CACNA1B: variants seen among roughly 807,000 people sequenced by gnomAD.
The protein encoded by CACNA1B is voltage-dependent N-type calcium channel subunit alpha-1B.
CACNA1B carries 70 observed loss-of-function variants against 247.2 expected under a neutral mutation model. The ratio of observed to expected loss-of-function variants is 0.28; its 90% CI spans 0.23 to 0.35. The LOEUF (loss-of-function observed/expected upper bound fraction) is 0.35. Among genes scored for constraint, CACNA1B ranks in the 10% least tolerant of loss-of-function variants. The pLI is 1.00. For missense variants in CACNA1B, 2,367 were observed against 3,197.4 expected, an observed-to-expected ratio of 0.74 and a Z score of 6.26; for synonymous variants, 1,231 against 1,294.4, an observed-to-expected ratio of 0.95 and a Z score of 1.05.
rs535113091 is a variant in CACNA1B, at chr9:137,899,171, T to C, written c.531-14009T>C. 6.6e-6 allele frequency among the ~76,000 whole-genome samples: 1 copy of C among 151,980 alleles called. No individual in the cohort carries two copies. The highest frequency in any genetic ancestry group is 1.9e-4 in the East Asian group (1 of 5,162). On this transcript the variant is annotated intron_variant, in intron 3 of 46. Transcript: ENST00000371372. The surrounding 1 kb of genome is among the most constrained non-coding windows in gnomAD (Gnocchi z 5.0). Reference sequence around the variant, plus strand: ...GCTGCAATCTCAGCTCACTGCAACCTCCGCCTCCTAGGTTCAAGCAATTGT... The same window carrying C: ...GCTGCAATCTCAGCTCACTGCAACCCCCGCCTCCTAGGTTCAAGCAATTGT...
chr9:138,096,424 G>T, intron 36 of CACNA1B, 60 bp from the exon 37 acceptor site: 4 of 1,497,132 alleles, frequency 2.7e-6, no homozygotes, highest in Non-Finnish European at 2.8e-6. Flanking sequence ...GTGGTGGGGG[G>T]CGGCGGGGAG....
Position 138,020,155 on chromosome 9 carries a change from C to T in CACNA1B, c.2268-2856C>T, listed in dbSNP as rs1326266413. On this transcript the variant is annotated intron_variant, in intron 18 of 46. Transcript: ENST00000371372. The surrounding 1 kb of genome is among the most constrained non-coding windows in gnomAD (Gnocchi z 4.1). Reference sequence around the variant, plus strand: ...AGGTATCCATGGTGTCACACCAGGGCTGCTTCATATTGTCAGCAGTTCCGG... The same window carrying T: ...AGGTATCCATGGTGTCACACCAGGGTTGCTTCATATTGTCAGCAGTTCCGG... Among the ~76,000 whole-genome samples, 1 of 151,112 alleles carries T rather than the reference C, an allele frequency of 6.6e-6. No homozygotes were observed. Among genetic ancestry groups the T allele is most frequent in the Non-Finnish European group, 1.5e-5 (1 of 67,902 alleles).
chr9:138,110,301 G>A (rs866051096), intron 39 of CACNA1B, among the ~76,000 whole-genome samples: 1 of 152,000 alleles, frequency 6.6e-6, no homozygotes. Context: ...TTTTAGTAGA[G>A]ACGGGGTTTC....
intron 40 of CACNA1B, 46 bp downstream of exon 40, chr9:138,112,551 C>T (rs753828352): frequency 2.3e-6 from 3 of 1,291,060 alleles, no homozygotes; most frequent in Non-Finnish European, 2.3e-6. Flanking sequence ...CCTTTACTGT[C>T]CCACCCAGAG....
intron 6 of CACNA1B, among the ~76,000 whole-genome samples, chr9:137,937,947 C>CAAAAAAAAAAAAAA (rs57680122): frequency 9.1e-5 from 2 of 21,924 alleles, no homozygotes; most frequent in African/African-American, 1.3e-4. Flanking sequence ...AACTCTGTCT[C>CAAAAAAAAAAAAAA]AAAAAAAAAA....
chr9:138,040,205 T>A (rs1364439016), intron 20 of CACNA1B, among the ~76,000 whole-genome samples: 1 of 152,174 alleles, frequency 6.6e-6, no homozygotes, highest in Non-Finnish European at 1.5e-5. Flanking sequence ...TCCAAAGTGC[T>A]GGGATTACGG....
In CACNA1B at chr9:138,073,972, C is replaced by T; in HGVS notation, c.4792-29C>T. ...CCTGGGCGTGGTGGCTGGGAGGTGC[C>T]TGTAGCTGACCGGCCCCTGTCTCCG... On this transcript the variant is annotated intron_variant, in intron 33 of 46. Coordinates refer to ENST00000371372, the MANE Select transcript of CACNA1B (RefSeq NM_000718.4). The surrounding 1 kb of genome is among the most constrained non-coding windows in gnomAD (Gnocchi z 6.4). 2 of 1,599,660 alleles carry T rather than the reference C, an allele frequency of 1.3e-6. No individual in the cohort carries two copies. Among genetic ancestry groups the T allele is most frequent in the Non-Finnish European group, 1.7e-6 (2 of 1,171,670 alleles).
intron 15 of CACNA1B, among the ~76,000 whole-genome samples, chr9:138,001,849 C>T (rs1958581262): frequency 6.6e-6 from 1 of 152,154 alleles, no homozygotes; most frequent in African/African-American, 2.4e-5. Context: ...ATAAATCTAA[C>T]TAAAATTGTG....
In CACNA1B at chr9:138,102,501, G is replaced by A. The variant is rs1025906530; in HGVS notation, c.5223-210G>A. On this transcript the variant is annotated intron_variant, in intron 37 of 46. Coordinates refer to ENST00000371372, the MANE Select transcript of CACNA1B (RefSeq NM_000718.4). The surrounding 1 kb of genome is among the most constrained non-coding windows in gnomAD (Gnocchi z 5.4). ...GAGGAGGTGAGGCTCGGGGGTGGGG[G>A]GCCAGGAGGGGGTCAAGCCAAGCAG... 1.3e-5 allele frequency among the ~76,000 whole-genome samples: 2 copies of A among 152,070 alleles called. No homozygotes were observed. The highest frequency in any genetic ancestry group is 2.9e-5 in the Non-Finnish European group (2 of 68,006).
At chr9:137,909,964 T>C (rs536375190) in intron 3 of CACNA1B, among the ~76,000 whole-genome samples, 106 of 152,202 alleles carry the variant, frequency 7.0e-4, no homozygotes, top group Middle Eastern at 3.4e-3. Context: ...AGAGACAGCA[T>C]TTCACCATGT....
chr9:138,006,448 G>C (rs1429832655), intron 15 of CACNA1B, among the ~76,000 whole-genome samples: 1 of 152,196 alleles, frequency 6.6e-6, no homozygotes, highest in Admixed American at 6.5e-5. Flanking sequence ...CTCCATGCCT[G>C]ATCTCACTGC....
chr9:137,940,425 TA>T (rs1317462792), intron 6 of CACNA1B, among the ~76,000 whole-genome samples: 2 of 151,980 alleles, frequency 1.3e-5, no homozygotes, highest in Non-Finnish European at 2.9e-5. Flanking sequence ...GAAATGGTAA[TA>T]AAAAAATTAC....
chr9:137,966,648 C>T (rs939628137), intron 10 of CACNA1B, among the ~76,000 whole-genome samples: 33 of 152,236 alleles, frequency 2.2e-4, no homozygotes, highest in African/African-American at 7.7e-4. Flanking sequence ...AAGCCATTCT[C>T]CTGCCTCAGC....
At chr9:138,104,038 A>G (rs1052739596) in intron 38 of CACNA1B, among the ~76,000 whole-genome samples, 1 of 152,224 alleles carries the variant, frequency 6.6e-6, no homozygotes, top group African/African-American at 2.4e-5. Context: ...AGGCAGGGCC[A>G]TGATGGAGCA....
chr9:137,928,052 C>G (rs958118761), intron 6 of CACNA1B, among the ~76,000 whole-genome samples: 8 of 152,140 alleles, frequency 5.3e-5, no homozygotes, highest in African/African-American at 1.9e-4. Flanking sequence ...ACTAAGGAGT[C>G]TTACACTTAT....
At position 138,121,663 on chromosome 9, in the gene CACNA1B, C is replaced by T; in HGVS notation, c.6684C>T (p.Leu2228=). ...TCCCTGCCTTCTCCCCAGGCCGGCT[C>T]AGCCGTGGGCTTTCCGAACACAACG... The part of the protein sequence containing the change: ...TSLPAFSPGR[L]SRGLSEHNAL... Residue 2228 remains leucine (L), a synonymous_variant, in exon 47 of 47, where the codon CTC becomes CTT. Coordinates refer to ENST00000371372, the MANE Select transcript of CACNA1B (RefSeq NM_000718.4). The surrounding 1 kb of genome is among the most constrained non-coding windows in gnomAD (Gnocchi z 6.8). 6.2e-7 allele frequency: 1 copy of T among 1,612,936 alleles called. No individual in the cohort carries two copies. Among genetic ancestry groups the T allele is most frequent in the Non-Finnish European group, 8.5e-7 (1 of 1,179,288 alleles).
intron 10 of CACNA1B, among the ~76,000 whole-genome samples, chr9:137,969,785 T>TG (rs1294265217): frequency 2.6e-5 from 4 of 152,132 alleles, no homozygotes; most frequent in African/African-American, 9.7e-5. Context: ...TGTGGGTGCA[T>TG]GGGGGGTTCA....
At position 138,007,076 on chromosome 9, in the gene CACNA1B, T is replaced by C. The variant is rs1433029791; in HGVS notation, c.2092+192T>C. Reference sequence around the variant, plus strand: ...GGCTCTGGAGGCTTTGGGACTCAGCTTGAGGGAGCATGAGCTGCTGCGTGT... The same window carrying C: ...GGCTCTGGAGGCTTTGGGACTCAGCCTGAGGGAGCATGAGCTGCTGCGTGT... On this transcript the variant is annotated intron_variant, in intron 16 of 46. Transcript: ENST00000371372. The surrounding 1 kb of genome is among the most constrained non-coding windows in gnomAD (Gnocchi z 4.1). Among the ~76,000 whole-genome samples the C allele has an allele frequency of 1.3e-5, 2 of 151,756 alleles. No individual in the cohort carries two copies. Among genetic ancestry groups the C allele is most frequent in the African/African-American group, 4.8e-5 (2 of 41,250 alleles).
intron 6 of CACNA1B, among the ~76,000 whole-genome samples, chr9:137,928,003 C>T (rs1957570763): frequency 6.6e-6 from 1 of 152,168 alleles, no homozygotes; most frequent in South Asian, 2.1e-4. Flanking sequence ...GTACCTAATT[C>T]TCTTTATGTG....
Sources: allele counts gnomAD v4.1 joint callset (sites outside exome capture counted in the v4.1 genomes callset), GRCh38; gene constraint gnomAD v4.1.1; non-coding constraint Gnocchi (gnomAD v3.1); transcripts MANE v1.5; gene names NCBI Gene and HGNC (gene_info 2026-07-23, HGNC 2026-07-21).